Variants in POLR1G observed in about 807,000 individuals in gnomAD.
The protein encoded by POLR1G is RNA polymerase I subunit G.
POLR1G carries 9 observed loss-of-function variants against 6.3 expected under a neutral mutation model. That is an observed-to-expected ratio of 1.44 (90% CI 0.87 to 2.51). The LOEUF (loss-of-function observed/expected upper bound fraction) is 2.51, where lower values mean the gene tolerates loss of function less well. Among genes scored for constraint, POLR1G ranks in the 30% most tolerant of loss-of-function variants. POLR1G has a pLI of 0.00. For synonymous variants in POLR1G, 248 were observed against 256.5 expected (o/e 0.97, Z 0.32); for missense variants, 617 against 632.5 (o/e 0.98, Z 0.26).
Position 45,409,749 on chromosome 19 carries a change from G to T in POLR1G, c.*248G>T, listed in dbSNP as rs1261045562. ...GCCTGGATGGGAGGGAGAAAAAAATGAGGAACCAGTCATTAAAGGAGCTGT... is the reference window on the plus strand; with the variant it reads ...GCCTGGATGGGAGGGAGAAAAAAATTAGGAACCAGTCATTAAAGGAGCTGT... On this transcript the variant is annotated 3_prime_UTR_variant, in exon 3 of 3. Coordinates refer to ENST00000309424, the MANE Select transcript of POLR1G (RefSeq NM_012099.3). The T allele has an allele frequency of 2.6e-6, 2 of 784,098 alleles. No individual in the cohort carries two copies. Among genetic ancestry groups the T allele is most frequent in the African/African-American group, 3.4e-5 (2 of 59,242 alleles). The allele number at this position is 784,098 out of a possible 1,614,324, so 48.6% of individuals were successfully genotyped here.
Position 45,408,285 on chromosome 19 carries a change from C to T in POLR1G, c.317C>T (p.Thr106Ile). 6.2e-7 allele frequency: 1 copy of T among 1,613,928 alleles called. No individual in the cohort carries two copies. Among genetic ancestry groups the T allele is most frequent in the Non-Finnish European group, 8.5e-7 (1 of 1,179,874 alleles). Reference sequence around the variant, plus strand: ...TCAACGGAGGCAGGAGGTGGACTCACCTGTGCCTCAGCCCCCCAGGGCACC... The same window carrying T: ...TCAACGGAGGCAGGAGGTGGACTCATCTGTGCCTCAGCCCCCCAGGGCACC... ...APSTEAGGGLTCASAPQGTLR... is the reference protein window; with the variant it reads ...APSTEAGGGLICASAPQGTLR... The change falls in exon 3 of 3, where the codon ACC (threonine) becomes ATC (isoleucine). Residue 106 changes from threonine to isoleucine, a missense_variant. Coordinates refer to ENST00000309424, the MANE Select transcript of POLR1G (RefSeq NM_012099.3).
At chr19:45,407,606 C>T in intron 2 of POLR1G, 1 of 289,746 alleles carries the variant, frequency 3.5e-6, no homozygotes, top group Non-Finnish European at 6.4e-6. Context: ...GGACATTCTG[C>T]AGGCTTGGTG....
Position 45,408,497 on chromosome 19 carries a change from A to T in POLR1G, c.529A>T (p.Lys177Ter). The change falls in exon 3 of 3, where the codon AAG becomes TAG. Residue 177 changes from lysine (K) to a stop codon, truncating the protein, a stop_gained. Transcript: ENST00000309424. LOFTEE classifies it low-confidence loss of function (END_TRUNC). ...CCTGCTCACCTCAGGGAAGAAGAAA[A>T]AGGAGATGCAGGTGACAGAGGCCCC... ...PNLLTSGKKKKEMQVTEAPVT... is the reference protein window; with the variant it reads ...PNLLTSGKKK The T allele has an allele frequency of 6.2e-7, 1 of 1,613,994 alleles. No homozygotes were observed. The highest frequency in any genetic ancestry group is 8.5e-7 in the Non-Finnish European group (1 of 1,179,964).
At position 45,408,656 on chromosome 19, in the gene POLR1G, G is replaced by A. The variant is rs1476002109; in HGVS notation, c.688G>A (p.Val230Met). 1 of 1,613,936 alleles carries A rather than the reference G, an allele frequency of 6.2e-7. No homozygotes were observed. The highest frequency in any genetic ancestry group is 8.5e-7 in the Non-Finnish European group (1 of 1,180,002). Reference protein sequence around the residue: ...QLKEPEAAGPVGTEPTVETLE... With the variant: ...QLKEPEAAGPMGTEPTVETLE... The stretch of plus-strand genomic sequence containing the variant: ...GAAAGAACCAGAGGCAGCAGGGCCT[G>A]TGGGGACAGAGCCCACAGTGGAGAC... Residue 230 changes from valine to methionine, a missense_variant, in exon 3 of 3, where the codon GTG becomes ATG. Physicochemically the swap from Val to Met is conservative, Grantham distance 21. Coordinates refer to ENST00000309424, the MANE Select transcript of POLR1G (RefSeq NM_012099.3).
rs967784045 is a variant in POLR1G, at chr19:45,406,865, C to T, written c.22+147C>T. On this transcript the variant is annotated intron_variant, in intron 1 of 2. Transcript: ENST00000309424. The surrounding 1 kb of genome is among the most constrained non-coding windows in gnomAD (Gnocchi z 4.2). Reference sequence around the variant, plus strand: ...CCCAGTGGGCGAACGGGAATTCGAACGGAGAGAGGGTTATCTTGTGGGGGG... The same window carrying T: ...CCCAGTGGGCGAACGGGAATTCGAATGGAGAGAGGGTTATCTTGTGGGGGG... 5.1e-6 allele frequency: 5 copies of T among 984,736 alleles called. No individual in the cohort carries two copies. Among genetic ancestry groups the T allele is most frequent in the Non-Finnish European group, 7.2e-6 (5 of 691,770 alleles). The allele number at this position is 984,736 out of a possible 1,614,324, so 61.0% of individuals were successfully genotyped here.
rs1404270562 is a variant in POLR1G at position 45,409,648 on chromosome 19, TG to T, written c.*152del. On this transcript the variant is annotated 3_prime_UTR_variant, in exon 3 of 3. Transcript: ENST00000309424. The stretch of plus-strand genomic sequence containing the variant: ...CTGGGAGGACGATTTATTATTACAC[TG>T]GGGGTTTCCTTGGCAGCTGGGGTCA... 7 of 1,441,630 alleles carry T rather than the reference TG, an allele frequency of 4.9e-6. No individual in the cohort carries two copies. In the Admixed American group the frequency reaches 8.5e-5, roughly 17 times the overall value. 89.3% of individuals were successfully genotyped at this position (1,441,630 alleles called of 1,614,324 possible).
intron 1 of POLR1G, 67 bp from the exon 2 acceptor site, chr19:45,407,027 A>C: frequency 2.0e-6 from 3 of 1,538,252 alleles, no homozygotes; most frequent in South Asian, 1.3e-5. Context: ...ATGGACCGAT[A>C]GGCGCGCCCT....
rs1973638126 is a variant in POLR1G, at chr19:45,410,327, G to A, written c.*826G>A. ...GCCTCCCGAGTAGCTGGGCCTAAAG[G>A]TGCCCACCACTATACCCGGCTAATT... On this transcript the variant is annotated 3_prime_UTR_variant, in exon 3 of 3. Coordinates refer to ENST00000309424, the MANE Select transcript of POLR1G (RefSeq NM_012099.3). 6.6e-6 allele frequency: 1 copy of A among 152,018 alleles called. No individual in the cohort carries two copies. Among genetic ancestry groups the A allele is most frequent in the Non-Finnish European group, 1.5e-5 (1 of 68,190 alleles). 9.4% of individuals were successfully genotyped at this position (152,018 alleles called of 1,614,324 possible).
rs757513980 is a variant in POLR1G at position 45,409,195 on chromosome 19, G to A, written c.1227G>A (p.Pro409=). ...PETEVVGPEL[P]DDLEPQAAPT... is the part of the protein sequence containing the mutation. Reference sequence around the variant, plus strand: ...CAGAGGTGGTGGGGCCTGAGCTGCCGGATGACCTTGAGCCTCAGGCAGCTC... The same window carrying A: ...CAGAGGTGGTGGGGCCTGAGCTGCCAGATGACCTTGAGCCTCAGGCAGCTC... Residue 409 remains proline, a synonymous_variant, in exon 3 of 3, where the codon CCG becomes CCA. Transcript: ENST00000309424. 1.3e-5 allele frequency: 21 copies of A among 1,613,368 alleles called. No individual in the cohort carries two copies. The highest frequency in any genetic ancestry group is 8.3e-5 in the Admixed American group (5 of 59,922).
chr19:45,406,894 C>A lies in POLR1G; in HGVS notation c.22+176C>A. 1 of 959,220 alleles carries A rather than the reference C, an allele frequency of 1.0e-6. No individual in the cohort carries two copies. The allele number at this position is 959,220 out of a possible 1,614,324, so 59.4% of individuals were successfully genotyped here. A position where few individuals can be genotyped will look rare whatever the true frequency, so the allele number is the denominator to read the frequency against. On this transcript the variant is annotated intron_variant, in intron 1 of 2. Transcript: ENST00000309424. This position sits in a 1 kb window ranked among gnomAD's most constrained non-coding sequence, Gnocchi z 4.2. ...GAGAGGGTTATCTTGTGGGGGGCTA[C>A]CCGTGGAGAGCAAGGCGCCCCCAGG...
In POLR1G at chr19:45,409,856, A is replaced by G. The variant is rs1183768816; in HGVS notation, c.*355A>G. On this transcript the variant is annotated 3_prime_UTR_variant, in exon 3 of 3. Transcript: ENST00000309424. Reference sequence around the variant, plus strand: ...GCATTTATCCATTGAGTTACAAACAATCCAGTTACAATCTTTTTAAGTTAT... The same window carrying G: ...GCATTTATCCATTGAGTTACAAACAGTCCAGTTACAATCTTTTTAAGTTAT... 1.7e-6 allele frequency: 1 copy of G among 597,250 alleles called. No homozygotes were observed. The highest frequency in any genetic ancestry group is 1.9e-5 in the African/African-American group (1 of 53,434). 37.0% of individuals were successfully genotyped at this position (597,250 alleles called of 1,614,324 possible). A position where few individuals can be genotyped will look rare whatever the true frequency, so the allele number is the denominator to read the frequency against.
In POLR1G at chr19:45,406,685, G is replaced by A; in HGVS notation, c.-12G>A. The A allele has an allele frequency of 6.5e-7, 1 of 1,544,904 alleles. No homozygotes were observed. The highest frequency in any genetic ancestry group is 8.7e-7 in the Non-Finnish European group (1 of 1,144,902). ...CCCGGGCTACAGGGTTGCCTGAGGT[G>A]TGGGTCCCAGGATGGAGGAGCCCCA... On this transcript the variant is annotated 5_prime_UTR_variant, in exon 1 of 3. The change creates a new upstream start codon in the 5' untranslated region. Transcript: ENST00000309424. The surrounding 1 kb of genome is among the most constrained non-coding windows in gnomAD (Gnocchi z 4.2).
At position 45,409,158 on chromosome 19, in the gene POLR1G, T is replaced by C. The variant is rs2123432786; in HGVS notation, c.1190T>C (p.Val397Ala). The C allele has an allele frequency of 6.2e-7, 1 of 1,612,766 alleles. No homozygotes were observed. Among genetic ancestry groups the C allele is most frequent in the East Asian group, 2.2e-5 (1 of 44,770 alleles). The stretch of plus-strand genomic sequence containing the variant: ...AAAGAAAAACAGCAAGATGCCACAG[T>C]GGAGCCAGAGACAGAGGTGGTGGGG... ...TKKEKQQDAT[V>A]EPETEVVGPE... Residue 397 changes from valine to alanine, a missense_variant, in exon 3 of 3, where the codon GTG becomes GCG. By Grantham distance (64) the Val-to-Ala change is moderately conservative (BLOSUM62 0). Transcript: ENST00000309424.
At position 45,409,468 on chromosome 19, in the gene POLR1G, G is replaced by C. The variant is rs2123436058; in HGVS notation, c.1500G>C (p.Lys500Asn). The change falls in exon 3 of 3, where the codon AAG (lysine) becomes AAC (asparagine). Residue 500 changes from lysine to asparagine, a missense_variant. Transcript: ENST00000309424. ...AGGAGGCTCCCACAGGCCGGGACAA[G>C]AAGCGGAAGCAGCAGCAGCAGCAGC... is the stretch of plus-strand genomic sequence containing the variant. Reference protein sequence around the residue: ...SGEEAPTGRDKKRKQQQQQPV With the variant: ...SGEEAPTGRDNKRKQQQQQPV 6.2e-7 allele frequency: 1 copy of C among 1,611,868 alleles called. No homozygotes were observed. The highest frequency in any genetic ancestry group is 8.5e-7 in the Non-Finnish European group (1 of 1,179,546).
Position 45,408,282 on chromosome 19 carries a change from T to TCAC in POLR1G, c.316_318dup (p.Thr106dup). The TCAC allele has an allele frequency of 6.2e-7, 1 of 1,613,858 alleles. No homozygotes were observed. Among genetic ancestry groups the TCAC allele is most frequent in the South Asian group, 1.1e-5 (1 of 91,054 alleles). The stretch of plus-strand genomic sequence containing the variant: ...CCCTCAACGGAGGCAGGAGGTGGAC[T>TCAC]CACCTGTGCCTCAGCCCCCCAGGGC... On this transcript the variant is annotated inframe_insertion, in exon 3 of 3. Coordinates refer to ENST00000309424, the MANE Select transcript of POLR1G (RefSeq NM_012099.3).
At position 45,407,226 on chromosome 19, in the gene POLR1G, C is replaced by A; in HGVS notation, c.155C>A (p.Ala52Asp). 6.2e-7 allele frequency: 1 copy of A among 1,611,760 alleles called. No homozygotes were observed. The highest frequency in any genetic ancestry group is 8.5e-7 in the Non-Finnish European group (1 of 1,179,334). The stretch of plus-strand genomic sequence containing the variant: ...CTTATTCAGGCCCCTGCAGACTTTG[C>A]CCCAGAATGGTGAGTGGTCTTGTTG... ...LWLIQAPADF[A>D]PECFNGRHVP... Residue 52 changes from alanine (A) to aspartate (D), a missense_variant, in exon 2 of 3, where the codon GCC becomes GAC. Transcript: ENST00000309424.
intron 2 of POLR1G, 21 bp downstream of exon 2, chr19:45,407,256 A>G: frequency 1.2e-6 from 2 of 1,606,518 alleles, no homozygotes; most frequent in Non-Finnish European, 1.7e-6. Context: ...TTGTTGACGG[A>G]AAAGAGGGTC....
At position 45,409,150 on chromosome 19, in the gene POLR1G, T is replaced by G. The variant is rs373496739; in HGVS notation, c.1182T>G (p.Asp394Glu). The change falls in exon 3 of 3, where the codon GAT (aspartate) becomes GAG (glutamate). Residue 394 changes from aspartate to glutamate, a missense_variant. Physicochemically the swap from Asp to Glu is conservative, Grantham distance 45. Transcript: ENST00000309424. ...KKKTKKEKQQDATVEPETEVV... is the reference protein window; with the variant it reads ...KKKTKKEKQQEATVEPETEVV... ...AGACGAAGAAAGAAAAACAGCAAGA[T>G]GCCACAGTGGAGCCAGAGACAGAGG... The G allele has an allele frequency of 6.2e-7, 1 of 1,612,306 alleles. No homozygotes were observed. Among genetic ancestry groups the G allele is most frequent in the South Asian group, 1.1e-5 (1 of 90,956 alleles).
chr19:45,406,718 G>C lies in POLR1G; in HGVS notation c.22G>C (p.Asp8His). The C allele has an allele frequency of 6.5e-7, 1 of 1,532,048 alleles. No homozygotes were observed. The highest frequency in any genetic ancestry group is 8.8e-7 in the Non-Finnish European group (1 of 1,141,366). The allele number at this position is 1,532,048 out of a possible 1,614,324, so 94.9% of individuals were successfully genotyped here. MEEPQAG[D>H]AARFSCPPNF... ...CAGGATGGAGGAGCCCCAGGCCGGC[G>C]GTGAGGGTGCGGGTTGACGGGGTGC... Residue 8 changes from aspartate to histidine, a missense_variant and splice_region_variant, in exon 1 of 3, where the codon GAT becomes CAT. Asp to His is a moderately conservative substitution (Grantham distance 81, BLOSUM62 -1). Coordinates refer to ENST00000309424, the MANE Select transcript of POLR1G (RefSeq NM_012099.3). This position sits in a 1 kb window ranked among gnomAD's most constrained non-coding sequence, Gnocchi z 4.2.
Sources: allele counts gnomAD v4.1 joint callset, GRCh38; gene constraint gnomAD v4.1.1; non-coding constraint Gnocchi (gnomAD v3.1); transcripts MANE v1.5; gene names NCBI Gene and HGNC (gene_info 2026-07-23, HGNC 2026-07-21).